Variants in XRN2 observed in about 807,000 individuals in gnomAD.
XRN2 encodes the protein DHM1-like protein.
XRN2 carries 44 observed loss-of-function variants against 138.5 expected under a neutral mutation model. The ratio of observed to expected loss-of-function variants is 0.32; its 90% CI spans 0.25 to 0.41. XRN2 has a LOEUF of 0.41. Ranked by LOEUF, XRN2 falls within the 10% of genes least tolerant of loss-of-function variation. The pLI is 1.00. For synonymous variants in XRN2, 354 were observed against 369.4 expected (o/e 0.96, Z 0.48); for missense variants, 937 against 1,169.3 (o/e 0.80, Z 2.90).
chr20:21,344,867 G>C (rs2038416244), intron 16 of XRN2, among the ~76,000 whole-genome samples: 1 of 152,052 alleles, frequency 6.6e-6, no homozygotes, highest in Non-Finnish European at 1.5e-5. Context: ...TGAACCGTGG[G>C]CTCCAAGTGC....
In XRN2 at chr20:21,356,149, T is replaced by C. The variant is rs756490034; in HGVS notation, c.2090T>C (p.Leu697Ser). 16 of 1,612,910 alleles carry C rather than the reference T, an allele frequency of 9.9e-6. No homozygotes were observed. Among genetic ancestry groups the C allele is most frequent in the Non-Finnish European group, 1.4e-5 (16 of 1,179,250 alleles). Residue 697 changes from leucine to serine, a missense_variant, in exon 22 of 30, where the codon TTA becomes TCA. Physicochemically the swap from Leu to Ser is moderately radical, Grantham distance 145 (BLOSUM62 -2). Around this residue, in one of 6 missense-constraint regions of XRN2, gnomAD observed 372 missense variants for 414.4 expected, o/e 0.90. Coordinates refer to ENST00000377191, the MANE Select transcript of XRN2 (RefSeq NM_012255.5). ...GKHHPLHDFI[L>S]ELYQTGSTEP... Reference sequence around the variant, plus strand: ...CATCACCCACTCCATGACTTCATTTTAGAGCTGTACCAGACAGGTTCCACA... The same window carrying C: ...CATCACCCACTCCATGACTTCATTTCAGAGCTGTACCAGACAGGTTCCACA...
chr20:21,377,264 C>CTTTTTCTTTTTTTTTTTTTTT (rs1555788242), intron 27 of XRN2, among the ~76,000 whole-genome samples: 2 of 82,800 alleles, frequency 2.4e-5, no homozygotes, highest in South Asian at 1.0e-3. Flanking sequence ...TCGGTTTTTT[C>CTTTTTCTTTTTTTTTTTTTTT]TTTTTTTTTT....
chr20:21,317,337 G>A (rs998258155), intron 1 of XRN2, among the ~76,000 whole-genome samples: 2 of 151,246 alleles, frequency 1.3e-5, no homozygotes, highest in Admixed American at 6.6e-5. Flanking sequence ...TGGATTTTTC[G>A]AACGCTTTTT....
chr20:21,357,637 A>G (rs1264613050), intron 23 of XRN2, 99 bp from the exon 24 acceptor site: 2 of 953,434 alleles, frequency 2.1e-6, no homozygotes, highest in Admixed American at 6.0e-5. Context: ...CTAATGATTT[A>G]TCTTTTCTAA....
At chr20:21,364,916 A>G (rs1180928262) in intron 24 of XRN2, among the ~76,000 whole-genome samples, 2 of 152,018 alleles carry the variant, frequency 1.3e-5, no homozygotes, top group Non-Finnish European at 2.9e-5. Flanking sequence ...TGTGAAGTTT[A>G]ATTTTTTTTG....
At chr20:21,372,853 CAGTATCAT>C (rs770643544) in intron 27 of XRN2, among the ~76,000 whole-genome samples, 18 of 152,056 alleles carry the variant, frequency 1.2e-4, no homozygotes, top group Non-Finnish European at 1.9e-4. Context: ...ATCCTGACTG[CAGTATCAT>C]AGTATCATAC....
chr20:21,357,091 T>TA (rs540469079), intron 23 of XRN2, among the ~76,000 whole-genome samples: 7 of 152,036 alleles, frequency 4.6e-5, no homozygotes, highest in Admixed American at 3.9e-4. Context: ...TTTTGCTTTG[T>TA]AAAAAAATAG....
chr20:21,346,423 A>G lies in XRN2; in HGVS notation c.1538A>G (p.Glu513Gly), dbSNP rs1382450952. ...PEPEDNVRLW[E>G]AGWKQRYYKN... ...GCTGTGCCTGGTTTTAGGTTATGGG[A>G]AGCTGGCTGGAAGCAGCGGTACTAC... Residue 513 changes from glutamate (E) to glycine (G), a missense_variant, in exon 17 of 30, where the codon GAA (glutamate) becomes GGA (glycine). Glu to Gly is a moderately conservative substitution (Grantham distance 98, BLOSUM62 -2). This residue lies in a region of XRN2 where 471 missense variants were observed against 581.2 expected (regional missense o/e 0.81). Coordinates refer to ENST00000377191, the MANE Select transcript of XRN2 (RefSeq NM_012255.5). The G allele has an allele frequency of 1.2e-6, 2 of 1,614,068 alleles. No individual in the cohort carries two copies. Among genetic ancestry groups the G allele is most frequent in the Admixed American group, 3.3e-5 (2 of 59,996 alleles).
intron 27 of XRN2, among the ~76,000 whole-genome samples, chr20:21,376,694 A>G (rs1245364115): frequency 6.6e-6 from 1 of 152,142 alleles, no homozygotes; most frequent in Non-Finnish European, 1.5e-5. Context: ...ATAATTGAAT[A>G]TGAAGAGTGA....
chr20:21,354,897 C>T (rs2122275236), intron 21 of XRN2, 25 bp downstream of exon 21: 1 of 1,580,848 alleles, frequency 6.3e-7, no homozygotes, highest in Non-Finnish European at 8.7e-7. Context: ...TCTTAGTTAA[C>T]ATTGATCTGT....
At chr20:21,333,414 G>A (rs957643470) in intron 9 of XRN2, 130 bp from the exon 10 acceptor site, 1 of 952,988 alleles carries the variant, frequency 1.0e-6, no homozygotes, top group Admixed American at 2.1e-5. Context: ...GCATTGGTGA[G>A]CTTTTAAAAA....
At position 21,330,452 on chromosome 20, in the gene XRN2, G is replaced by A. The variant is rs556977799; in HGVS notation, c.428-29G>A. The A allele has an allele frequency of 1.9e-6, 3 of 1,608,432 alleles. No homozygotes were observed. The Admixed American group carries it at 5.1e-5, about 27-fold the overall frequency. ...AGTAATTTATCTCACTTTTTATGGG[G>A]AGAACAAAACGTTGCCTCTTTTCTC... On this transcript the variant is annotated intron_variant, in intron 4 of 29. Coordinates refer to ENST00000377191, the MANE Select transcript of XRN2 (RefSeq NM_012255.5).
chr20:21,327,216 T>A (rs906320923), intron 3 of XRN2, among the ~76,000 whole-genome samples: 2 of 152,338 alleles, frequency 1.3e-5, no homozygotes, highest in Non-Finnish European at 2.9e-5. Context: ...GTCTGGAGTT[T>A]GGACTGTATC....
chr20:21,316,554 C>G (rs1003004126), intron 1 of XRN2, among the ~76,000 whole-genome samples: 1 of 152,084 alleles, frequency 6.6e-6, no homozygotes, highest in African/African-American at 2.4e-5. Context: ...GTTCTTTTCC[C>G]CATTAAATGA....
intron 17 of XRN2, among the ~76,000 whole-genome samples, chr20:21,347,840 G>A (rs983985511): frequency 3.9e-5 from 6 of 152,162 alleles, no homozygotes; most frequent in African/African-American, 1.4e-4. Flanking sequence ...GTCACCAAAT[G>A]TATTTTAAGG....
intron 24 of XRN2, among the ~76,000 whole-genome samples, chr20:21,362,596 TTA>T (rs965380697): frequency 2.0e-5 from 3 of 152,184 alleles, no homozygotes; most frequent in African/African-American, 7.2e-5. Flanking sequence ...CTTTCTGAAA[TTA>T]TCTTTGATCA....
intron 27 of XRN2, among the ~76,000 whole-genome samples, chr20:21,369,580 A>G (rs867404136): frequency 1.1e-4 from 16 of 152,320 alleles, no homozygotes; most frequent in African/African-American, 3.4e-4. Flanking sequence ...GGGCAAGATG[A>G]TACCTCATTG....
In XRN2 at chr20:21,334,178, A is replaced by T; in HGVS notation, c.1226A>T (p.Asp409Val). 6.2e-7 allele frequency: 1 copy of T among 1,613,110 alleles called. No individual in the cohort carries two copies. The highest frequency in any genetic ancestry group is 8.5e-7 in the Non-Finnish European group (1 of 1,179,576). The change falls in exon 13 of 30, where the codon GAT becomes GTT. Residue 409 changes from aspartate to valine, a missense_variant. Asp to Val is a radical substitution (Grantham distance 152, BLOSUM62 -3). This residue lies in a region of XRN2 where 471 missense variants were observed against 581.2 expected (regional missense o/e 0.81). Coordinates refer to ENST00000377191, the MANE Select transcript of XRN2 (RefSeq NM_012255.5). ...GATAGCATTTTTAAAAAGAGAAAGG[A>T]TGATGAGGTAAAGTGTTTCTATTGC... ...VEDSIFKKRK[D>V]DEDSFRRRQK... is the part of the protein sequence containing the mutation.
intron 24 of XRN2, among the ~76,000 whole-genome samples, chr20:21,362,603 T>G (rs988783924): frequency 2.0e-5 from 3 of 152,198 alleles, no homozygotes; most frequent in Admixed American, 1.3e-4. Context: ...AAATTATCTT[T>G]GATCACTTTC....
Sources: allele counts gnomAD v4.1 joint callset (sites outside exome capture counted in the v4.1 genomes callset), GRCh38; gene constraint gnomAD v4.1.1; regional missense constraint gnomAD v4.1.1; transcripts MANE v1.5; gene names NCBI Gene and HGNC (gene_info 2026-07-23, HGNC 2026-07-21).